BTRC: variants seen among roughly 807,000 people sequenced by gnomAD.
BTRC encodes beta-transducin repeat containing E3 ubiquitin protein ligase.
In BTRC, 42 loss-of-function variants were observed where a neutral mutation model predicts 85.5. The ratio of observed to expected loss-of-function variants is 0.49; its 90% CI spans 0.38 to 0.64. The LOEUF (loss-of-function observed/expected upper bound fraction) is 0.64. Ranked by LOEUF, BTRC falls within the 30% of genes least tolerant of loss-of-function variation. The probability of loss-of-function intolerance (pLI) is 0.00; values close to 1 mark genes in which losing one functional copy is unlikely to be tolerated. For missense variants in BTRC, 594 were observed against 743.5 expected (o/e 0.80, Z 2.34); for synonymous variants, 255 against 263.3 (o/e 0.97, Z 0.30).
intron 4 of BTRC, among the ~76,000 whole-genome samples, chr10:101,512,880 G>A (rs565624561): frequency 6.6e-6 from 1 of 152,298 alleles, no homozygotes; most frequent in South Asian, 2.1e-4. Flanking sequence ...AGATGTGCAG[G>A]GGTGGCAGAA....
At chr10:101,545,142 G>C (rs1440994840) in intron 13 of BTRC, among the ~76,000 whole-genome samples, 1 of 151,644 alleles carries the variant, frequency 6.6e-6, no homozygotes, top group Non-Finnish European at 1.5e-5. Context: ...TTTCTGACTA[G>C]AAGTTGGAAG....
rs2062707945 is a variant in BTRC, at chr10:101,555,088, G to T, written c.*1965G>T. 1 of 152,358 alleles carries T rather than the reference G, an allele frequency of 6.6e-6. No individual in the cohort carries two copies. Among genetic ancestry groups the T allele is most frequent in the African/African-American group, 2.4e-5 (1 of 41,434 alleles). The allele number at this position is 152,358 out of a possible 1,614,324, so 9.4% of individuals were successfully genotyped here. A position where few individuals can be genotyped will look rare whatever the true frequency, so the allele number is the denominator to read the frequency against. Reference sequence around the variant, plus strand: ...TGCTACAGAGAAATGTTTTCTACTTGGCCACTATCAGGGTTCGTCATCTAT... The same window carrying T: ...TGCTACAGAGAAATGTTTTCTACTTTGCCACTATCAGGGTTCGTCATCTAT... On this transcript the variant is annotated 3_prime_UTR_variant, in exon 15 of 15. Transcript: ENST00000370187.
chr10:101,482,173 C>T (rs140511455), intron 4 of BTRC, among the ~76,000 whole-genome samples: 236 of 152,110 alleles, frequency 1.6e-3, no homozygotes, highest in Non-Finnish European at 2.7e-3. Flanking sequence ...AAGTGTGTCA[C>T]CACACCCAGC....
At chr10:101,369,005 C>T (rs536845152) in intron 1 of BTRC, among the ~76,000 whole-genome samples, 5 of 152,132 alleles carry the variant, frequency 3.3e-5, no homozygotes, top group South Asian at 4.1e-4. Flanking sequence ...GGCGACAGAG[C>T]GAGACTCCAT....
intron 7 of BTRC, 144 bp downstream of exon 7, chr10:101,531,477 C>G (rs957943217): frequency 2.1e-5 from 13 of 609,636 alleles, no homozygotes; most frequent in Non-Finnish European, 3.1e-5. Context: ...GTGGCTCACA[C>G]CTGTAATCCC....
At position 101,453,532 on chromosome 10, in the gene BTRC, G is replaced by A. The variant is rs1481902291; in HGVS notation, c.157-8449G>A. 2.0e-5 allele frequency: 3 copies of A among 152,272 alleles called. No homozygotes were observed. In the East Asian group the frequency reaches 5.8e-4, roughly 29 times the overall value. 9.4% of individuals were successfully genotyped at this position (152,272 alleles called of 1,614,324 possible). On this transcript the variant is annotated intron_variant, in intron 2 of 14. Transcript: ENST00000370187. ...GCTCTGTTGCACCATCCAACCTTGAGCAAGATGCTTACTCAAAGATTATTG... is the reference window on the plus strand; with the variant it reads ...GCTCTGTTGCACCATCCAACCTTGAACAAGATGCTTACTCAAAGATTATTG...
At chr10:101,515,958 G>A (rs958827512) in intron 4 of BTRC, among the ~76,000 whole-genome samples, 41 of 152,176 alleles carry the variant, frequency 2.7e-4, no homozygotes, top group African/African-American at 9.7e-4. Flanking sequence ...GGGACACAAA[G>A]GGGGCTAGTG....
chr10:101,365,373 C>CTT (rs1253340948), intron 1 of BTRC, among the ~76,000 whole-genome samples: 36 of 141,796 alleles, frequency 2.5e-4, no homozygotes, highest in African/African-American at 8.8e-4. Context: ...GCGCTTGGCC[C>CTT]TTTTTTTTTT....
intron 12 of BTRC, among the ~76,000 whole-genome samples, chr10:101,537,242 A>G (rs2062399739): frequency 6.6e-6 from 1 of 152,212 alleles, no homozygotes; most frequent in Non-Finnish European, 1.5e-5. Flanking sequence ...TTCAAACAAA[A>G]GTAGTCTGGG....
intron 4 of BTRC, among the ~76,000 whole-genome samples, chr10:101,491,058 CA>C (rs10558650): frequency 0.37 from 54,677 of 146,268 alleles, 10,723 homozygotes; most frequent in Middle Eastern, 0.48. Flanking sequence ...GACTCTGTCT[CA>C]AAAAAAAAAA....
intron 1 of BTRC, among the ~76,000 whole-genome samples, chr10:101,397,567 T>C (rs2133993595): frequency 6.6e-6 from 1 of 152,346 alleles, no homozygotes; most frequent in Non-Finnish European, 1.5e-5. Flanking sequence ...AGAAATGTAA[T>C]AACTATGAAA....
chr10:101,500,747 A>G (rs1451928016), intron 4 of BTRC, among the ~76,000 whole-genome samples: 1 of 152,200 alleles, frequency 6.6e-6, no homozygotes, highest in African/African-American at 2.4e-5. Flanking sequence ...AGCATGTAGA[A>G]AAGTCAGAGA....
At chr10:101,371,629 G>T (rs900705002) in intron 1 of BTRC, among the ~76,000 whole-genome samples, 2 of 152,254 alleles carry the variant, frequency 1.3e-5, no homozygotes, top group South Asian at 2.1e-4. Flanking sequence ...ACATTTAATT[G>T]TATGTATATA....
At chr10:101,461,766 T>C (rs1429745778) in intron 2 of BTRC, among the ~76,000 whole-genome samples, 1 of 152,248 alleles carries the variant, frequency 6.6e-6, no homozygotes, top group Non-Finnish European at 1.5e-5. Flanking sequence ...CATGAAATAC[T>C]TCCCATCTAA....
intron 5 of BTRC, 86 bp downstream of exon 5, chr10:101,521,956 C>T: frequency 1.9e-5 from 13 of 684,586 alleles, no homozygotes; most frequent in South Asian, 1.0e-4. Context: ...CTTTAAAAGT[C>T]TTTATTGGCT....
intron 4 of BTRC, among the ~76,000 whole-genome samples, chr10:101,514,742 C>T (rs959831565): frequency 2.0e-5 from 3 of 152,068 alleles, no homozygotes; most frequent in Non-Finnish European, 4.4e-5. Context: ...CATGAGCCAC[C>T]GTGCCTGGCC....
chr10:101,390,589 C>T (rs1001238750), intron 1 of BTRC, among the ~76,000 whole-genome samples: 1 of 151,994 alleles, frequency 6.6e-6, no homozygotes, highest in African/African-American at 2.4e-5. Flanking sequence ...GCCTCGGTCT[C>T]CCAAAGCGCT....
At chr10:101,384,962 C>T (rs1943027921) in intron 1 of BTRC, among the ~76,000 whole-genome samples, 1 of 152,062 alleles carries the variant, frequency 6.6e-6, no homozygotes, top group South Asian at 2.1e-4. Context: ...GTGGCTGTCA[C>T]CTGTAATCCC....
At chr10:101,519,833 T>C (rs1403381037) in intron 4 of BTRC, among the ~76,000 whole-genome samples, 2 of 152,004 alleles carry the variant, frequency 1.3e-5, no homozygotes, top group Non-Finnish European at 2.9e-5. Context: ...CCGTCTTTAC[T>C]AAAAATACAG....
Sources: allele counts gnomAD v4.1 joint callset (sites outside exome capture counted in the v4.1 genomes callset), GRCh38; gene constraint gnomAD v4.1.1; transcripts MANE v1.5; gene names NCBI Gene and HGNC (gene_info 2026-07-23, HGNC 2026-07-21).